The following LHFPL3 variants were observed in gnomAD, a reference collection of about 807,000 sequenced individuals.
LHFPL3 encodes LHFPL tetraspan subfamily member 3 protein.
Under a neutral mutation model 19.3 loss-of-function variants are expected in LHFPL3, and 5 were observed. The observed-to-expected ratio is 0.26, with a 90% CI of 0.14 to 0.54. The LOEUF is 0.54. LHFPL3 is among the 20% of genes least tolerant of loss of function. The pLI is 0.94. For missense variants in LHFPL3, 249 were observed against 307.4 expected (o/e 0.81, Z 1.42); for synonymous variants, 133 against 126.2 (o/e 1.05, Z -0.36).
intron 1 of LHFPL3, among the ~76,000 whole-genome samples, chr7:104,581,633 T>G (rs1246624725): frequency 1.3e-5 from 2 of 152,052 alleles, no homozygotes; most frequent in Non-Finnish European, 2.9e-5. Flanking sequence ...TTGTTTTACC[T>G]TTTACATGTG....
At chr7:104,353,781 G>A (rs1790222661) in intron 1 of LHFPL3, among the ~76,000 whole-genome samples, 1 of 152,022 alleles carries the variant, frequency 6.6e-6, no homozygotes, top group Admixed American at 6.6e-5. Context: ...TTTATATACA[G>A]TGCCTTTGAT....
intron 1 of LHFPL3, among the ~76,000 whole-genome samples, chr7:104,537,540 G>A (rs895632406): frequency 1.3e-5 from 2 of 152,164 alleles, no homozygotes. Context: ...ATGTGGTGAA[G>A]CAGAGTGATC....
intron 2 of LHFPL3, among the ~76,000 whole-genome samples, chr7:104,846,129 T>C (rs1791308924): frequency 6.6e-6 from 1 of 152,174 alleles, no homozygotes; most frequent in Non-Finnish European, 1.5e-5. Flanking sequence ...TACACACACA[T>C]GGGCACACAC....
chr7:104,699,219 C>A (rs1454437311), intron 1 of LHFPL3, among the ~76,000 whole-genome samples: 1 of 152,176 alleles, frequency 6.6e-6, no homozygotes, highest in Non-Finnish European at 1.5e-5. Flanking sequence ...AAAGTAGGGA[C>A]TTGAGCATCC....
intron 2 of LHFPL3, among the ~76,000 whole-genome samples, chr7:104,836,131 T>C (rs1044407606): frequency 2.0e-5 from 3 of 152,138 alleles, no homozygotes; most frequent in Non-Finnish European, 2.9e-5. Context: ...ATAACAAAGA[T>C]TTCTAGGAGA....
chr7:104,681,233 C>A (rs896781090), intron 1 of LHFPL3, among the ~76,000 whole-genome samples: 1 of 148,734 alleles, frequency 6.7e-6, no homozygotes, highest in African/African-American at 2.5e-5. Flanking sequence ...ATGTAAGGCA[C>A]ATGAGGACAG....
intron 1 of LHFPL3, among the ~76,000 whole-genome samples, chr7:104,622,584 A>T (rs1238813722): frequency 1.3e-5 from 2 of 152,002 alleles, no homozygotes; most frequent in Non-Finnish European, 2.9e-5. Flanking sequence ...AAATCCTCAT[A>T]CCCATTAGCA....
At chr7:104,450,815 A>G (rs1792422029) in intron 1 of LHFPL3, among the ~76,000 whole-genome samples, 1 of 152,240 alleles carries the variant, frequency 6.6e-6, no homozygotes, top group Non-Finnish European at 1.5e-5. Context: ...GGAAAAGAAA[A>G]AAAAAGGAAA....
chr7:104,821,768 GA>G (rs1397175626), intron 2 of LHFPL3, among the ~76,000 whole-genome samples: 3 of 152,112 alleles, frequency 2.0e-5, no homozygotes, highest in Non-Finnish European at 4.4e-5. Flanking sequence ...GGAAAAACAG[GA>G]GTTCACAGAG....
intron 1 of LHFPL3, among the ~76,000 whole-genome samples, chr7:104,463,158 A>G (rs1314286127): frequency 6.6e-6 from 1 of 152,132 alleles, no homozygotes; most frequent in African/African-American, 2.4e-5. Flanking sequence ...CTAGCAGCCT[A>G]TCTTATTACA....
chr7:104,797,636 AG>A (rs1790158519), intron 2 of LHFPL3, among the ~76,000 whole-genome samples: 1 of 151,858 alleles, frequency 6.6e-6, no homozygotes, highest in African/African-American at 2.4e-5. Flanking sequence ...AACATAGGCT[AG>A]GTGTGGTGGC....
intron 1 of LHFPL3, among the ~76,000 whole-genome samples, chr7:104,711,333 C>A (rs1235202003): frequency 6.6e-6 from 1 of 152,166 alleles, no homozygotes; most frequent in Non-Finnish European, 1.5e-5. Context: ...ACACTGTAAC[C>A]CCAACAGGGA....
At chr7:104,884,638 T>G (rs183351728) in intron 2 of LHFPL3, among the ~76,000 whole-genome samples, 11 of 152,324 alleles carry the variant, frequency 7.2e-5, no homozygotes, top group African/African-American at 1.7e-4. Context: ...ATTATCTGAT[T>G]AAAGTAATTC....
chr7:104,581,271 C>T (rs1323770974), intron 1 of LHFPL3, among the ~76,000 whole-genome samples: 1 of 152,036 alleles, frequency 6.6e-6, no homozygotes, highest in Non-Finnish European at 1.5e-5. Flanking sequence ...TCCTTGAAGA[C>T]TAATGATGTT....
chr7:104,693,910 C>T (rs915522269), intron 1 of LHFPL3, among the ~76,000 whole-genome samples: 1 of 151,954 alleles, frequency 6.6e-6, no homozygotes, highest in African/African-American at 2.4e-5. Flanking sequence ...GGATTACAGG[C>T]GCGAGCCACT....
chr7:104,491,874 A>G (rs1793360160), intron 1 of LHFPL3, among the ~76,000 whole-genome samples: 2 of 152,238 alleles, frequency 1.3e-5, no homozygotes, highest in South Asian at 2.1e-4. Context: ...AACACAAAAT[A>G]CAAATTTTCC....
intron 2 of LHFPL3, among the ~76,000 whole-genome samples, chr7:104,875,187 CCT>C (rs1791913549): frequency 6.6e-6 from 1 of 152,128 alleles, no homozygotes; most frequent in Admixed American, 6.5e-5. Context: ...CATAAATTCT[CCT>C]CTTTGTTTCA....
chr7:104,561,865 T>G (rs1486834515), intron 1 of LHFPL3, among the ~76,000 whole-genome samples: 1 of 152,194 alleles, frequency 6.6e-6, no homozygotes, highest in Non-Finnish European at 1.5e-5. Flanking sequence ...GGAGCTCTTG[T>G]AAGGCAGGCC....
At chr7:104,344,070 G>T (rs1046399574) in intron 1 of LHFPL3, among the ~76,000 whole-genome samples, 2 of 152,046 alleles carry the variant, frequency 1.3e-5, no homozygotes, top group African/African-American at 4.8e-5. Flanking sequence ...AATTGTGAAT[G>T]TAAGTTGAAT....
Sources: allele counts gnomAD v4.1 joint callset (sites outside exome capture counted in the v4.1 genomes callset), GRCh38; gene constraint gnomAD v4.1.1; transcripts MANE v1.5; gene names NCBI Gene and HGNC (gene_info 2026-07-23, HGNC 2026-07-21).